Variants in FCER1A observed in about 807,000 individuals in gnomAD.
FCER1A encodes Fc epsilon receptor Ia.
Under a neutral mutation model 23.6 loss-of-function variants are expected in FCER1A, and 24 were observed. The ratio of observed to expected loss-of-function variants is 1.02; its 90% confidence interval spans 0.74 to 1.43. FCER1A has a LOEUF of 1.43. Ranked by LOEUF, FCER1A falls within the 40% of genes most tolerant of loss-of-function variation. The pLI, the probability that FCER1A is intolerant of heterozygous loss-of-function variation, is 0.00. For missense variants in FCER1A, 318 were observed against 294.5 expected, an observed-to-expected ratio of 1.08 and a Z score of -0.58; for synonymous variants, 121 against 108.8, an observed-to-expected ratio of 1.11 and a Z score of -0.70.
At chr1:159,284,053 A>G in the FCER1A span, among the ~76,000 whole-genome samples, 1 of 152,202 alleles carries the variant, frequency 6.6e-6, no homozygotes, top group Non-Finnish European at 1.5e-5. Flanking sequence ...AACCACGTGA[A>G]TACTGGGTAA....
the FCER1A span, among the ~76,000 whole-genome samples, chr1:159,283,698 C>G: frequency 6.6e-6 from 1 of 152,134 alleles, no homozygotes; most frequent in Non-Finnish European, 1.5e-5. Flanking sequence ...TCAAAGAGAG[C>G]CTCAAATTGT....
upstream of FCER1A, among the ~76,000 whole-genome samples, chr1:159,301,460 T>G (rs1251148416): frequency 1.3e-5 from 2 of 152,124 alleles, no homozygotes; most frequent in African/African-American, 4.8e-5. Flanking sequence ...ATATTAAAAG[T>G]AAACAAAAGC....
chr1:159,295,447 T>C (rs1652273252), intron 1 of FCER1A, among the ~76,000 whole-genome samples: 1 of 152,248 alleles, frequency 6.6e-6, no homozygotes, highest in Admixed American at 6.5e-5. Context: ...TCCATATTTA[T>C]ATTCATTTAT....
At chr1:159,301,268 AT>A, upstream of FCER1A, among the ~76,000 whole-genome samples, 2 of 152,312 alleles carry the variant, frequency 1.3e-5, no homozygotes, top group East Asian at 3.9e-4. Flanking sequence ...ATCTTTGCAA[AT>A]GACAAGCCAC....
At chr1:159,286,181 C>T (rs192134968), upstream of FCER1A, among the ~76,000 whole-genome samples, 76 of 151,556 alleles carry the variant, frequency 5.0e-4, no homozygotes, top group Admixed American at 2.0e-3. Flanking sequence ...CAGAGTGAGA[C>T]CCTGCCACCA....
chr1:159,288,222 G>A (rs1216335293), upstream of FCER1A, among the ~76,000 whole-genome samples: 1 of 152,124 alleles, frequency 6.6e-6, no homozygotes, highest in Non-Finnish European at 1.5e-5. Flanking sequence ...AAGTTATTTT[G>A]TAAGTTTGAG....
chr1:159,299,104 T>C (rs1194240489), upstream of FCER1A, among the ~76,000 whole-genome samples: 1 of 152,216 alleles, frequency 6.6e-6, no homozygotes, highest in African/African-American at 2.4e-5. Flanking sequence ...TTGATTTCCT[T>C]ATTCTTAACT....
chr1:159,285,473 A>G (rs577135210), upstream of FCER1A, among the ~76,000 whole-genome samples: 31 of 152,046 alleles, frequency 2.0e-4, no homozygotes, highest in Admixed American at 4.6e-4. Flanking sequence ...TAGATATATT[A>G]AACTGGATAT....
intron 1 of FCER1A, among the ~76,000 whole-genome samples, chr1:159,296,618 C>T (rs1375635517): frequency 1.3e-5 from 2 of 152,124 alleles, no homozygotes; most frequent in Admixed American, 6.6e-5. Flanking sequence ...GTTTAAGGCT[C>T]AGATAATTAT....
Position 159,307,794 on chromosome 1 carries a change from G to A in FCER1A, c.636G>A (p.Val212=). Residue 212 remains valine, a synonymous_variant, in exon 5 of 5, where the codon GTG becomes GTA. Transcript: ENST00000693622. The part of the protein sequence containing the change: ...YWLQFFIPLL[V]VILFAVDTGL... The stretch of plus-strand genomic sequence containing the variant: ...TACAATTTTTTATCCCATTGTTGGT[G>A]GTGATTCTGTTTGCTGTGGACACAG... The A allele has an allele frequency of 6.2e-7, 1 of 1,612,620 alleles. No homozygotes were observed. Among genetic ancestry groups the A allele is most frequent in the Non-Finnish European group, 8.5e-7 (1 of 1,178,834 alleles).
intron 4 of FCER1A, among the ~76,000 whole-genome samples, 187 bp downstream of exon 4, chr1:159,306,432 A>T (rs367951296): frequency 3.3e-4 from 51 of 152,318 alleles, no homozygotes; most frequent in African/African-American, 1.2e-3. Context: ...TTGACTTGTT[A>T]AATGGTGATA....
chr1:159,291,553 A>T (rs1449253470), intron 1 of FCER1A, among the ~76,000 whole-genome samples: 1 of 152,192 alleles, frequency 6.6e-6, no homozygotes, highest in Non-Finnish European at 1.5e-5. Flanking sequence ...AAAGATTTAA[A>T]TTGAATGAGT....
intron 1 of FCER1A, among the ~76,000 whole-genome samples, chr1:159,293,006 C>A (rs987767764): frequency 6.6e-6 from 1 of 151,184 alleles, no homozygotes; most frequent in Non-Finnish European, 1.5e-5. Flanking sequence ...CAGATAGACC[C>A]CTTGACCTTG....
chr1:159,291,437 C>T (rs1652150729), intron 1 of FCER1A, among the ~76,000 whole-genome samples: 1 of 151,780 alleles, frequency 6.6e-6, no homozygotes, highest in African/African-American at 2.4e-5. Flanking sequence ...TCTTTTTTTC[C>T]TCTCAAAGAC....
At chr1:159,305,903 T>C in intron 3 of FCER1A, 85 bp from the exon 4 acceptor site, 2 of 1,204,332 alleles carry the variant, frequency 1.7e-6, no homozygotes, top group Non-Finnish European at 2.3e-6. Context: ...TTCTGACACA[T>C]GCTCTATGCG....
rs1652275372 is a variant in FCER1A, at chr1:159,295,521, A to C, written c.-60+5768A>C. Reference sequence around the variant, plus strand: ...AAACTTACAAATTCCTAATTATAATAAACACTATTCTACGGGAATGGCCAC... The same window carrying C: ...AAACTTACAAATTCCTAATTATAATCAACACTATTCTACGGGAATGGCCAC... On this transcript the variant is annotated intron_variant, in intron 1 of 5. Coordinates refer to the FCER1A transcript ENST00000368115. Among the ~76,000 whole-genome samples, 4 of 152,216 alleles carry C rather than the reference A, an allele frequency of 2.6e-5. No homozygotes were observed. The South Asian group carries it at 8.3e-4, about 32-fold the overall frequency.
At chr1:159,286,428 G>T (rs1652019113), upstream of FCER1A, among the ~76,000 whole-genome samples, 1 of 151,658 alleles carries the variant, frequency 6.6e-6, no homozygotes, top group Non-Finnish European at 1.5e-5. Context: ...CGCCTCCCGG[G>T]TTCATGCCAT....
upstream of FCER1A, among the ~76,000 whole-genome samples, chr1:159,298,323 G>A (rs1338387915): frequency 2.0e-5 from 3 of 152,144 alleles, no homozygotes; most frequent in Admixed American, 6.5e-5. Flanking sequence ...GTTGGAGGTG[G>A]GGCCTAGTTG....
At chr1:159,291,535 T>C (rs1299382555) in intron 1 of FCER1A, among the ~76,000 whole-genome samples, 1 of 152,206 alleles carries the variant, frequency 6.6e-6, no homozygotes, top group Non-Finnish European at 1.5e-5. Context: ...ACCTGTGTTA[T>C]GTTCAAGAAA....
Sources: allele counts gnomAD v4.1 joint callset (sites outside exome capture counted in the v4.1 genomes callset), GRCh38; gene constraint gnomAD v4.1.1; transcripts MANE v1.5; gene names NCBI Gene and HGNC (gene_info 2026-07-23, HGNC 2026-07-21).